MYT1L: variants seen among roughly 807,000 people sequenced by gnomAD.
MYT1L encodes the protein myelin transcription factor 1-like protein.
MYT1L carries 12 observed loss-of-function variants against 126.7 expected under a neutral mutation model. The ratio of observed to expected loss-of-function variants is 0.09; its 90% CI spans 0.06 to 0.15. The LOEUF (loss-of-function observed/expected upper bound fraction) is 0.15, where lower values mean the gene tolerates loss of function less well. MYT1L is among the 10% of genes least tolerant of loss of function. MYT1L has a pLI of 1.00. For missense variants in MYT1L, 979 were observed against 1,585.2 expected, an observed-to-expected ratio of 0.62 and a Z score of 6.49; for synonymous variants, 541 against 604.2, an observed-to-expected ratio of 0.90 and a Z score of 1.53.
Position 2,009,898 on chromosome 2 carries a change from G to GTTTTTT in MYT1L, c.-157-12557_-157-12552dup, listed in dbSNP as rs147372422. Reference sequence around the variant, plus strand: ...TTCTTCTATACCTAAACTGTTAAGAGTTTTTTTTTTTTTTTTTTTTCATGA... The same window carrying GTTTTTT: ...TTCTTCTATACCTAAACTGTTAAGAGTTTTTTTTTTTTTTTTTTTTTTTTTTCATGA... On this transcript the variant is annotated intron_variant, in intron 4 of 24. Coordinates refer to ENST00000647738, the MANE Select transcript of MYT1L (RefSeq NM_001303052.2). 4.4e-5 allele frequency among the ~76,000 whole-genome samples: 5 copies of GTTTTTT among 114,294 alleles called. 1 individual carries two copies. Among genetic ancestry groups the GTTTTTT allele is most frequent in the Non-Finnish European group, 7.3e-5 (4 of 54,504 alleles). The allele number at this position is 114,294 out of a possible 152,430, so 75.0% of individuals were successfully genotyped here. A position where few individuals can be genotyped will look rare whatever the true frequency, so the allele number is the denominator to read the frequency against.
intron 18 of MYT1L, among the ~76,000 whole-genome samples, chr2:1,868,516 A>G (rs1028310293): frequency 3.3e-5 from 5 of 152,088 alleles, no homozygotes; most frequent in Non-Finnish European, 7.4e-5. Context: ...GTGGTTTTTA[A>G]TTTTCCTGTC....
rs1168906930 is a variant in MYT1L, at chr2:2,209,683, AT to A, written c.-420-36696del. On this transcript the variant is annotated intron_variant, in intron 2 of 24. Coordinates refer to ENST00000647738, the MANE Select transcript of MYT1L (RefSeq NM_001303052.2). ...TGCATATGTATGCCACATTTTTTTA[AT>A]CCACTCATCTGTTGATGGACACTAT... Among the ~76,000 whole-genome samples, 73 of 152,106 alleles carry A rather than the reference AT, an allele frequency of 4.8e-4. 1 individual carries two copies.
At chr2:2,086,641 C>G (rs1048701620) in intron 3 of MYT1L, among the ~76,000 whole-genome samples, 2 of 152,144 alleles carry the variant, frequency 1.3e-5, no homozygotes, top group African/African-American at 4.8e-5. Flanking sequence ...TTCTGCCTGC[C>G]CTGCTGTTGG....
intron 12 of MYT1L, among the ~76,000 whole-genome samples, chr2:1,911,219 T>C (rs1359715157): frequency 6.6e-6 from 1 of 152,194 alleles, no homozygotes; most frequent in Non-Finnish European, 1.5e-5. Flanking sequence ...GGTCATTTGT[T>C]TCATTATAAA....
intron 8 of MYT1L, among the ~76,000 whole-genome samples, chr2:1,967,500 A>T (rs2059460198): frequency 6.6e-6 from 1 of 152,166 alleles, no homozygotes; most frequent in African/African-American, 2.4e-5. Flanking sequence ...GCGCCTTCAC[A>T]TCCTCCCCCT....
chr2:2,238,689 T>C (rs2094376836), intron 2 of MYT1L, among the ~76,000 whole-genome samples: 1 of 152,240 alleles, frequency 6.6e-6, no homozygotes, highest in Non-Finnish European at 1.5e-5. Flanking sequence ...GTAGGAGCTC[T>C]GCTACTAAAG....
intron 18 of MYT1L, among the ~76,000 whole-genome samples, chr2:1,873,957 C>T (rs538276372): frequency 3.6e-4 from 55 of 151,868 alleles, no homozygotes; most frequent in African/African-American, 1.3e-3. Flanking sequence ...TCAAAGATAC[C>T]GGACTCTATG....
chr2:2,316,624 G>A (rs765520290), intron 1 of MYT1L, among the ~76,000 whole-genome samples: 11 of 152,146 alleles, frequency 7.2e-5, no homozygotes, highest in Non-Finnish European at 1.2e-4. Context: ...GCCACGGCAC[G>A]TACGTTTCTG....
chr2:1,948,751 C>G (rs2057468978), intron 8 of MYT1L, among the ~76,000 whole-genome samples: 1 of 152,132 alleles, frequency 6.6e-6, no homozygotes, highest in African/African-American at 2.4e-5. Context: ...ACTCTGGTCA[C>G]CTCCATGGCT....
At chr2:2,128,223 T>C (rs916647714) in intron 3 of MYT1L, among the ~76,000 whole-genome samples, 1 of 152,314 alleles carries the variant, frequency 6.6e-6, no homozygotes, top group East Asian at 1.9e-4. Flanking sequence ...TTTGGCTCAG[T>C]GCAATCTCCA....
chr2:2,177,326 C>A (rs921936679), intron 2 of MYT1L, among the ~76,000 whole-genome samples: 16 of 152,128 alleles, frequency 1.1e-4, no homozygotes, highest in Non-Finnish European at 1.9e-4. Flanking sequence ...TGTGTATAAT[C>A]AAAACTCTTC....
chr2:1,892,246 T>C lies in MYT1L; in HGVS notation c.2074A>G (p.Thr692Ala). The change falls in exon 15 of 25, where the codon ACC becomes GCC. Residue 692 changes from threonine to alanine, a missense_variant. By Grantham distance (58) the Thr-to-Ala change is moderately conservative (BLOSUM62 0). This residue lies in a region of MYT1L where 57 missense variants were observed against 60.3 expected (regional missense o/e 0.94). Transcript: ENST00000647738. ...CKDPSPSSSS[T>A]SSYAPSSSSN... ...CTGCTGCTGGGCGCGTAGCTGCTGG[T>C]GCTGCTGCTGCTGGGGCTGGGGTCC... 1 of 1,547,528 alleles carries C rather than the reference T, an allele frequency of 6.5e-7. No homozygotes were observed. The highest frequency in any genetic ancestry group is 8.7e-7 in the Non-Finnish European group (1 of 1,144,982).
intron 21 of MYT1L, among the ~76,000 whole-genome samples, chr2:1,831,926 C>T (rs963232942): frequency 1.4e-4 from 21 of 152,122 alleles, no homozygotes; most frequent in African/African-American, 4.3e-4. Context: ...GATTCCTACG[C>T]GGCTCTCCTC....
intron 23 of MYT1L, among the ~76,000 whole-genome samples, chr2:1,799,488 A>G (rs2034429018): frequency 6.6e-6 from 1 of 152,164 alleles, no homozygotes; most frequent in Non-Finnish European, 1.5e-5. Flanking sequence ...TCCCTCATGG[A>G]CAGCCACGGA....
chr2:1,861,576 T>C (rs1010927007), intron 18 of MYT1L, among the ~76,000 whole-genome samples: 1 of 148,170 alleles, frequency 6.7e-6, no homozygotes, highest in Non-Finnish European at 1.5e-5. Flanking sequence ...TTTGGGGGGG[T>C]GTTAAAGACG....
At chr2:2,233,647 G>A (rs779126030) in intron 2 of MYT1L, among the ~76,000 whole-genome samples, 1 of 152,196 alleles carries the variant, frequency 6.6e-6, no homozygotes, top group Non-Finnish European at 1.5e-5. Flanking sequence ...ACCTGTGAGT[G>A]TGGTTGTAAC....
At chr2:2,234,989 C>T (rs1319949728) in intron 2 of MYT1L, among the ~76,000 whole-genome samples, 1 of 152,210 alleles carries the variant, frequency 6.6e-6, no homozygotes, top group East Asian at 1.9e-4. Flanking sequence ...CCCTGGACCT[C>T]CCCTTTTTCA....
intron 3 of MYT1L, among the ~76,000 whole-genome samples, chr2:2,099,031 C>A (rs542522890): frequency 2.0e-5 from 3 of 152,174 alleles, no homozygotes; most frequent in African/African-American, 7.2e-5. Flanking sequence ...GCACAAGCAC[C>A]GCTAGGCAGC....
chr2:1,914,788 G>T (rs890703024), intron 11 of MYT1L, among the ~76,000 whole-genome samples: 4 of 152,098 alleles, frequency 2.6e-5, no homozygotes, highest in Admixed American at 2.6e-4. Context: ...CAGCCTGCCC[G>T]CCTATCTCTG....
Sources: gnomAD v4.1 joint callset for allele counts (sites outside exome capture counted in the v4.1 genomes callset) on GRCh38, gnomAD v4.1.1 for gene constraint, gnomAD v4.1.1 regional missense constraint, MANE v1.5 for transcripts, NCBI Gene and HGNC (gene_info 2026-07-23, HGNC 2026-07-21) for gene names.